The following LRRC1 variants were observed in gnomAD, a reference collection of about 807,000 sequenced individuals.
LRRC1 encodes the protein leucine-rich repeat-containing protein 1.
In LRRC1, 28 loss-of-function variants were observed where a neutral mutation model predicts 69.9. That is an observed-to-expected ratio of 0.40 (90% CI 0.30 to 0.55). The LOEUF (loss-of-function observed/expected upper bound fraction) is 0.55. LRRC1 is among the 20% of genes least tolerant of loss of function. LRRC1 has a pLI of 0.47. For missense variants in LRRC1, 498 were observed against 609.0 expected (o/e 0.82, Z 1.92); for synonymous variants, 236 against 240.2 (o/e 0.98, Z 0.16).
intron 2 of LRRC1, among the ~76,000 whole-genome samples, chr6:53,873,984 A>G (rs75984063): frequency 2.8e-4 from 43 of 152,326 alleles, no homozygotes; most frequent in African/African-American, 9.6e-4. Flanking sequence ...AGAGACTACC[A>G]TGGAGTATTC....
intron 1 of LRRC1, among the ~76,000 whole-genome samples, chr6:53,838,199 G>C (rs1337736284): frequency 6.6e-6 from 1 of 152,110 alleles, no homozygotes; most frequent in Non-Finnish European, 1.5e-5. Flanking sequence ...ACCATATTAA[G>C]ATCACATCAG....
In LRRC1 at chr6:53,897,467, A is replaced by G. The variant is rs189421909; in HGVS notation, c.642+108A>G. 48 of 725,912 alleles carry G rather than the reference A, an allele frequency of 6.6e-5. No homozygotes were observed. The African/African-American group carries it at 7.9e-4, about 12-fold the overall frequency. 45.0% of individuals were successfully genotyped at this position (725,912 alleles called of 1,614,324 possible). On this transcript the variant is annotated intron_variant, in intron 7 of 13. Coordinates refer to ENST00000370888, the MANE Select transcript of LRRC1 (RefSeq NM_018214.5). ...TTGCTATAAAAGGATCTTGAAAACC[A>G]AAAACATTGATTGAAAAGGCACATT...
intron 2 of LRRC1, among the ~76,000 whole-genome samples, chr6:53,872,281 T>G (rs1308665895): frequency 6.6e-6 from 1 of 152,082 alleles, no homozygotes; most frequent in Non-Finnish European, 1.5e-5. Flanking sequence ...TTTATTTCCG[T>G]AGGTTTTTGG....
intron 4 of LRRC1, among the ~76,000 whole-genome samples, chr6:53,895,091 G>A (rs1767826281): frequency 6.6e-6 from 1 of 152,086 alleles, no homozygotes; most frequent in Admixed American, 6.6e-5. Flanking sequence ...CTAATTTTTT[G>A]TATTTTTAGT....
chr6:53,808,039 T>C (rs1764685840), intron 1 of LRRC1, among the ~76,000 whole-genome samples: 1 of 151,484 alleles, frequency 6.6e-6, no homozygotes, highest in South Asian at 2.1e-4. Flanking sequence ...GCAAGGAGAG[T>C]GGATGGGTTT....
At chr6:53,889,955 G>A (rs1292414462) in intron 4 of LRRC1, among the ~76,000 whole-genome samples, 1 of 152,126 alleles carries the variant, frequency 6.6e-6, no homozygotes, top group Non-Finnish European at 1.5e-5. Flanking sequence ...TTAGTTACTT[G>A]CACCTGGTGA....
Position 53,899,615 on chromosome 6 carries a change from C to G in LRRC1, c.643-132C>G. 6.3e-6 allele frequency: 5 copies of G among 797,850 alleles called. No individual in the cohort carries two copies. The South Asian group carries it at 8.8e-5, about 14-fold the overall frequency. The allele number at this position is 797,850 out of a possible 1,614,324, so 49.4% of individuals were successfully genotyped here. On this transcript the variant is annotated intron_variant, in intron 7 of 13. Transcript: ENST00000370888. ...ATCTAGGAATTTGCCCCTGCCTTCA[C>G]ATTTGGATTCATGCTAAAGATAACA... is the stretch of plus-strand genomic sequence containing the variant.
At chr6:53,838,182 T>C (rs1765663884) in intron 1 of LRRC1, among the ~76,000 whole-genome samples, 1 of 152,206 alleles carries the variant, frequency 6.6e-6, no homozygotes. Flanking sequence ...TGTGTTGATC[T>C]TTGGATACCA....
chr6:53,919,540 G>T lies in LRRC1; in HGVS notation c.1149G>T (p.Lys383Asn). 1 of 1,609,104 alleles carries T rather than the reference G, an allele frequency of 6.2e-7. No homozygotes were observed. Among genetic ancestry groups the T allele is most frequent in the Non-Finnish European group, 8.5e-7 (1 of 1,178,350 alleles). The change falls in exon 12 of 14, where the codon AAG becomes AAT. Residue 383 changes from lysine to asparagine, a missense_variant. Coordinates refer to ENST00000370888, the MANE Select transcript of LRRC1 (RefSeq NM_018214.5). ...TATCCCTGACTGCCTTGAAGTTGAA[G>T]GCTCTGTGGCTATCTGACAACCAGT... Reference protein sequence around the residue: ...LPLSLTALKLKALWLSDNQSQ... With the variant: ...LPLSLTALKLNALWLSDNQSQ...
intron 1 of LRRC1, among the ~76,000 whole-genome samples, chr6:53,813,535 G>GTT (rs1357228100): frequency 3.7e-4 from 28 of 76,262 alleles, no homozygotes; most frequent in Admixed American, 3.3e-3. Context: ...CTGGCTCAGT[G>GTT]GTTTTTTTTT....
chr6:53,804,739 G>T (rs1764590250), intron 1 of LRRC1, among the ~76,000 whole-genome samples: 1 of 152,138 alleles, frequency 6.6e-6, no homozygotes, highest in Non-Finnish European at 1.5e-5. Flanking sequence ...TTGTATACCT[G>T]TGCAAATGTT....
At chr6:53,841,254 A>G (rs902446965) in intron 1 of LRRC1, among the ~76,000 whole-genome samples, 1 of 152,168 alleles carries the variant, frequency 6.6e-6, no homozygotes, top group African/African-American at 2.4e-5. Flanking sequence ...TAGAGAAGAG[A>G]ATATGGCAGT....
intron 2 of LRRC1, among the ~76,000 whole-genome samples, chr6:53,857,662 G>T (rs558785060): frequency 6.6e-6 from 1 of 152,324 alleles, no homozygotes; most frequent in African/African-American, 2.4e-5. Flanking sequence ...GGGCAGAGTA[G>T]TCAATAAACG....
chr6:53,868,161 C>T (rs2127425822), intron 2 of LRRC1, among the ~76,000 whole-genome samples: 1 of 151,090 alleles, frequency 6.6e-6, no homozygotes, highest in Admixed American at 6.6e-5. Flanking sequence ...ATCATTATTG[C>T]TTCTCAAATA....
intron 1 of LRRC1, among the ~76,000 whole-genome samples, chr6:53,806,044 A>C (rs1176312255): frequency 6.6e-6 from 1 of 152,162 alleles, no homozygotes; most frequent in Non-Finnish European, 1.5e-5. Flanking sequence ...CCTGTGGTGA[A>C]GTACTCTTCC....
At chr6:53,856,641 G>A (rs573811509) in intron 2 of LRRC1, among the ~76,000 whole-genome samples, 10 of 152,150 alleles carry the variant, frequency 6.6e-5, no homozygotes, top group African/African-American at 1.2e-4. Context: ...TACTGGAGCC[G>A]GTGGAAAGAG....
intron 1 of LRRC1, among the ~76,000 whole-genome samples, chr6:53,804,999 T>G (rs1764596974): frequency 6.6e-6 from 1 of 152,160 alleles, no homozygotes; most frequent in African/African-American, 2.4e-5. Context: ...TGTGAGATCT[T>G]GAAAAATAGG....
At chr6:53,850,663 C>T (rs9395880) in intron 2 of LRRC1, among the ~76,000 whole-genome samples, 56,514 of 152,168 alleles carry the variant, frequency 0.37, 10,970 homozygotes, top group East Asian at 0.64. Context: ...ATGTTAAGCT[C>T]TGTGCATTAG....
intron 2 of LRRC1, among the ~76,000 whole-genome samples, chr6:53,862,682 C>T (rs1201835766): frequency 1.3e-5 from 2 of 152,156 alleles, no homozygotes; most frequent in Non-Finnish European, 2.9e-5. Flanking sequence ...CATCAGGAGA[C>T]CCATGCCGCT....
Sources: allele counts gnomAD v4.1 joint callset (sites outside exome capture counted in the v4.1 genomes callset), GRCh38; gene constraint gnomAD v4.1.1; transcripts MANE v1.5; gene names NCBI Gene and HGNC (gene_info 2026-07-23, HGNC 2026-07-21).